DACT1: variants seen among roughly 807,000 people sequenced by gnomAD.
DACT1 encodes dapper homolog 1.
A neutral mutation model predicts 35.3 loss-of-function variants in DACT1; 19 were observed. The ratio of observed to expected loss-of-function variants is 0.54; its 90% CI spans 0.38 to 0.79. DACT1 has a LOEUF of 0.79. Ranked by LOEUF, DACT1 falls within the 30% of genes least tolerant of loss-of-function variation. DACT1 has a pLI of 0.00. For synonymous variants in DACT1, 545 were observed against 466.7 expected, an observed-to-expected ratio of 1.17 and a Z score of -2.16; for missense variants, 1,143 against 1,057.5, an observed-to-expected ratio of 1.08 and a Z score of -1.12.
chr14:58,645,687 C>G lies in DACT1; in HGVS notation c.953C>G (p.Thr318Ser), dbSNP rs2047667846. 1.9e-6 allele frequency: 3 copies of G among 1,614,218 alleles called. No homozygotes were observed. The highest frequency in any genetic ancestry group is 2.2e-5 in the South Asian group (2 of 91,088). The change falls in exon 4 of 4, where the codon ACC becomes AGC. Residue 318 changes from threonine to serine, a missense_variant. Thr to Ser is a moderately conservative substitution (Grantham distance 58). Coordinates refer to ENST00000395153, the MANE Select transcript of DACT1 (RefSeq NM_001079520.2). ...LVQKKTHPVR[T>S]NKPRTSVNAD... ...CAGAAAAAAACACACCCTGTAAGGA[C>G]CAACAAACCAAGAACCAGCGTGAAC...
chr14:58,637,445 G>T (rs1304302380), upstream of DACT1, among the ~76,000 whole-genome samples: 2 of 152,262 alleles, frequency 1.3e-5, no homozygotes, highest in South Asian at 2.1e-4. Context: ...CAACCCCACA[G>T]TGTCTGTGAA....
At chr14:58,637,199 A>G (rs2047578660), upstream of DACT1, among the ~76,000 whole-genome samples, 1 of 152,218 alleles carries the variant, frequency 6.6e-6, no homozygotes, top group Non-Finnish European at 1.5e-5. Context: ...AACGCAGACT[A>G]AGTAATAATA....
chr14:58,637,120 A>G (rs1411404235), upstream of DACT1, among the ~76,000 whole-genome samples: 3 of 152,244 alleles, frequency 2.0e-5, no homozygotes, highest in Admixed American at 6.5e-5. Flanking sequence ...TTGCCCGCAC[A>G]GCTATTTAGG....
In DACT1 at chr14:58,647,842, C is replaced by A. The variant is rs1160314973; in HGVS notation, c.*708C>A. The A allele has an allele frequency of 6.0e-6, 1 of 167,100 alleles. No homozygotes were observed. Among genetic ancestry groups the A allele is most frequent in the East Asian group, 1.9e-4 (1 of 5,206 alleles). 10.4% of individuals were successfully genotyped at this position (167,100 alleles called of 1,614,324 possible). A position where few individuals can be genotyped will look rare whatever the true frequency, so the allele number is the denominator to read the frequency against. Reference sequence around the variant, plus strand: ...TCCAACATTTAGATGCCTTCTTTTCCCTCCCTAATTTGTAGCCAGTCCAAC... The same window carrying A: ...TCCAACATTTAGATGCCTTCTTTTCACTCCCTAATTTGTAGCCAGTCCAAC... On this transcript the variant is annotated 3_prime_UTR_variant, in exon 4 of 4. Transcript: ENST00000395153.
Position 58,646,915 on chromosome 14 carries a change from CGAGTTCGTGGGG to C in DACT1, c.2185_2196del (p.Phe729_Glu732del). Reference sequence around the variant, plus strand: ...ACAGCGAGTCGAGTGTGAGCGAGGGCGAGTTCGTGGGGGAGAGCACAACCACCAGCGACTCTG... The same window carrying C: ...ACAGCGAGTCGAGTGTGAGCGAGGGCGAGAGCACAACCACCAGCGACTCTG... On this transcript the variant is annotated inframe_deletion, in exon 4 of 4. Coordinates refer to ENST00000395153, the MANE Select transcript of DACT1 (RefSeq NM_001079520.2). The C allele has an allele frequency of 2.5e-6, 4 of 1,614,022 alleles. No individual in the cohort carries two copies. Among genetic ancestry groups the C allele is most frequent in the Non-Finnish European group, 3.4e-6 (4 of 1,180,008 alleles).
At chr14:58,644,389 G>GT (rs1427847647) in intron 3 of DACT1, among the ~76,000 whole-genome samples, 1 of 152,000 alleles carries the variant, frequency 6.6e-6, no homozygotes, top group South Asian at 2.1e-4. Flanking sequence ...TATTAAAAAA[G>GT]TTTTTTTAAA....
intron 3 of DACT1, among the ~76,000 whole-genome samples, chr14:58,644,865 T>G (rs559181068): frequency 2.0e-4 from 31 of 152,350 alleles, no homozygotes; most frequent in Middle Eastern, 3.4e-3. Context: ...CTGATCATTC[T>G]GAAATACTAC....
Position 58,647,902 on chromosome 14 carries a change from A to G in DACT1, c.*768A>G, listed in dbSNP as rs1450843988. 6.0e-6 allele frequency: 1 copy of G among 167,012 alleles called. No homozygotes were observed. Among genetic ancestry groups the G allele is most frequent in the Non-Finnish European group, 1.5e-5 (1 of 68,118 alleles). The allele number at this position is 167,012 out of a possible 1,614,324, so 10.3% of individuals were successfully genotyped here. On this transcript the variant is annotated 3_prime_UTR_variant, in exon 4 of 4. Transcript: ENST00000395153. ...CTTGGAGGATTTAGTTTTGGGATAAAATTTTGGTCCTTGGGCACAGAGACA... is the reference window on the plus strand; with the variant it reads ...CTTGGAGGATTTAGTTTTGGGATAAGATTTTGGTCCTTGGGCACAGAGACA...
rs1376463680 is a variant in DACT1, at chr14:58,647,202, G to T, written c.*68G>T. On this transcript the variant is annotated 3_prime_UTR_variant, in exon 4 of 4. Coordinates refer to ENST00000395153, the MANE Select transcript of DACT1 (RefSeq NM_001079520.2). ...CTCCCTAGTTGCCAAAATTAAAAAG[G>T]TGGTGTTTTCATTTTTGTATAATAC... is the stretch of plus-strand genomic sequence containing the variant. 2 of 1,542,858 alleles carry T rather than the reference G, an allele frequency of 1.3e-6. No individual in the cohort carries two copies. Among genetic ancestry groups the T allele is most frequent in the Admixed American group, 2.1e-5 (1 of 46,626 alleles).
rs748078996 is a variant in DACT1 at position 58,646,922 on chromosome 14, G to T, written c.2188G>T (p.Val730Leu). ...GTCGAGTGTGAGCGAGGGCGAGTTCGTGGGGGAGAGCACAACCACCAGCGA... is the reference window on the plus strand; with the variant it reads ...GTCGAGTGTGAGCGAGGGCGAGTTCTTGGGGGAGAGCACAACCACCAGCGA... ...SESSVSEGEF[V>L]GESTTTSDSE... Residue 730 changes from valine (V) to leucine (L), a missense_variant, in exon 4 of 4, where the codon GTG (valine) becomes TTG (leucine). Physicochemically the swap from Val to Leu is conservative, Grantham distance 32. This residue lies in a region of DACT1 where 1,054 missense variants were observed against 958.8 expected (regional missense o/e 1.10). Transcript: ENST00000395153. 4.3e-6 allele frequency: 7 copies of T among 1,614,162 alleles called. No individual in the cohort carries two copies. The highest frequency in any genetic ancestry group is 1.1e-5 in the South Asian group (1 of 91,078).
upstream of DACT1, among the ~76,000 whole-genome samples, chr14:58,637,679 G>A (rs1441820921): frequency 6.6e-6 from 1 of 152,126 alleles, no homozygotes; most frequent in Non-Finnish European, 1.5e-5. Flanking sequence ...AGCTTTGGGC[G>A]ACGAGAAAGA....
chr14:58,647,034 A>C lies in DACT1; in HGVS notation c.2300A>C (p.His767Pro). Residue 767 changes from histidine (H) to proline (P), a missense_variant, in exon 4 of 4, where the codon CAC (histidine) becomes CCC (proline). By Grantham distance (77) the His-to-Pro change is moderately conservative (BLOSUM62 -2). Around this residue, in one of 3 missense-constraint regions of DACT1, gnomAD observed 1,054 missense variants for 958.8 expected, o/e 1.10. Transcript: ENST00000395153. ...QTVTAPDLHNHPAKTFVKIKA... is the reference protein window; with the variant it reads ...QTVTAPDLHNPPAKTFVKIKA... ...GTAACGGCCCCAGACCTTCACAACC[A>C]CCCCGCAAAAACCTTTGTCAAAATT... 1 of 1,614,030 alleles carries C rather than the reference A, an allele frequency of 6.2e-7. No individual in the cohort carries two copies. Among genetic ancestry groups the C allele is most frequent in the Non-Finnish European group, 8.5e-7 (1 of 1,179,988 alleles).
intron 1 of DACT1, among the ~76,000 whole-genome samples, chr14:58,639,588 T>G (rs927765906): frequency 2.6e-5 from 4 of 152,250 alleles, no homozygotes; most frequent in Non-Finnish European, 5.9e-5. Flanking sequence ...TCTGTGTGTG[T>G]GTGTGTGTTT....
chr14:58,645,313 G>C, intron 3 of DACT1, 56 bp from the exon 4 acceptor site: 1 of 1,614,132 alleles, frequency 6.2e-7, no homozygotes, highest in South Asian at 1.1e-5. Flanking sequence ...AGGCCTCAGG[G>C]GCAGTTTGCC....
At chr14:58,637,681 C>T (rs1449966392), upstream of DACT1, among the ~76,000 whole-genome samples, 1 of 151,842 alleles carries the variant, frequency 6.6e-6, no homozygotes, top group African/African-American at 2.4e-5. Flanking sequence ...CTTTGGGCGA[C>T]GAGAAAGAGC....
At position 58,648,022 on chromosome 14, in the gene DACT1, T is replaced by C. The variant is rs2047711943; in HGVS notation, c.*888T>C. The C allele has an allele frequency of 6.0e-6, 1 of 167,092 alleles. No individual in the cohort carries two copies. Among genetic ancestry groups the C allele is most frequent in the African/African-American group, 2.4e-5 (1 of 41,446 alleles). 10.4% of individuals were successfully genotyped at this position (167,092 alleles called of 1,614,324 possible). Reference sequence around the variant, plus strand: ...CGAAGCGTTGACCTGAACATATTAGTGCAATCCAGTCCAGATTGGACCTTT... The same window carrying C: ...CGAAGCGTTGACCTGAACATATTAGCGCAATCCAGTCCAGATTGGACCTTT... On this transcript the variant is annotated 3_prime_UTR_variant, in exon 4 of 4. Coordinates refer to ENST00000395153, the MANE Select transcript of DACT1 (RefSeq NM_001079520.2).
chr14:58,644,603 G>A (rs2047655847), intron 3 of DACT1, among the ~76,000 whole-genome samples: 1 of 152,118 alleles, frequency 6.6e-6, no homozygotes, highest in South Asian at 2.1e-4. Context: ...AGTTTTTACT[G>A]AAGTTTGATC....
In DACT1 at chr14:58,645,248, T is replaced by C. The variant is rs767069001; in HGVS notation, c.635-121T>C. On this transcript the variant is annotated intron_variant, in intron 3 of 3. Transcript: ENST00000395153. ...CATTTCTTCAGAGTGTACCTTTAAC[T>C]GTTTTTCAGATCTCATAGGATTGTT... 2.9e-5 allele frequency: 46 copies of C among 1,608,320 alleles called. No homozygotes were observed. In the Middle Eastern group the frequency reaches 5.3e-4, roughly 19 times the overall value.
At position 58,647,525 on chromosome 14, in the gene DACT1, C is replaced by A. The variant is rs2047705544; in HGVS notation, c.*391C>A. 1.5e-5 allele frequency: 4 copies of A among 259,084 alleles called. No individual in the cohort carries two copies. In the East Asian group the frequency reaches 6.1e-4, roughly 39 times the overall value. The allele number at this position is 259,084 out of a possible 1,614,324, so 16.0% of individuals were successfully genotyped here. A position where few individuals can be genotyped will look rare whatever the true frequency, so the allele number is the denominator to read the frequency against. ...GATTTATATTTGTTCCTTGAGTCTT[C>A]AGGGCAGTGTCTCCATGAGGGTTTT... On this transcript the variant is annotated 3_prime_UTR_variant, in exon 4 of 4. Coordinates refer to ENST00000395153, the MANE Select transcript of DACT1 (RefSeq NM_001079520.2).
Sources: allele counts gnomAD v4.1 joint callset (sites outside exome capture counted in the v4.1 genomes callset), GRCh38; gene constraint gnomAD v4.1.1; regional missense constraint gnomAD v4.1.1; transcripts MANE v1.5; gene names NCBI Gene and HGNC (gene_info 2026-07-23, HGNC 2026-07-21).